PEG3: variants seen among roughly 807,000 people sequenced by gnomAD.
PEG3 encodes paternally-expressed gene 3 protein.
In PEG3, 23 loss-of-function variants were observed where a neutral mutation model predicts 35.5. The ratio of observed to expected loss-of-function variants is 0.65; its 90% CI spans 0.47 to 0.92. The LOEUF (loss-of-function observed/expected upper bound fraction) is 0.92, where lower values mean the gene tolerates loss of function less well. Ranked by LOEUF, PEG3 falls within the 40% of genes least tolerant of loss-of-function variation. The pLI, the probability that PEG3 is intolerant of heterozygous loss-of-function variation, is 0.00. For missense variants in PEG3, 1,960 were observed against 1,985.3 expected (o/e 0.99, Z 0.24); for synonymous variants, 707 against 697.0 (o/e 1.01, Z -0.23).
chr19:56,825,135 C>G (rs1735192628), intron 3 of PEG3: 2 of 155,648 alleles, frequency 1.3e-5, no homozygotes, highest in Non-Finnish European at 2.9e-5. Context: ...TGTTCAAGGC[C>G]CTAGCCAGTA....
In PEG3 at chr19:56,813,539, TAG is replaced by T. The variant is rs1409387604; in HGVS notation, c.*134_*135del. Reference sequence around the variant, plus strand: ...ATTCGGTCTCTTTTCAATCTGAGTTTAGAGATGTTAAGTCAGGTGTGTAACAC... The same window carrying T: ...ATTCGGTCTCTTTTCAATCTGAGTTTAGATGTTAAGTCAGGTGTGTAACAC... On this transcript the variant is annotated 3_prime_UTR_variant, in exon 10 of 10. Coordinates refer to ENST00000326441, the MANE Select transcript of PEG3 (RefSeq NM_006210.3). The T allele has an allele frequency of 6.9e-7, 1 of 1,443,918 alleles. No homozygotes were observed. Among genetic ancestry groups the T allele is most frequent in the Non-Finnish European group, 9.1e-7 (1 of 1,096,138 alleles). The allele number at this position is 1,443,918 out of a possible 1,614,324, so 89.4% of individuals were successfully genotyped here. A position where few individuals can be genotyped will look rare whatever the true frequency, so the allele number is the denominator to read the frequency against.
In PEG3 at chr19:56,830,090, A is replaced by C. The variant is rs184965782; in HGVS notation, c.-162-3627T>G. Among the ~76,000 whole-genome samples, 7 of 152,378 alleles carry C rather than the reference A, an allele frequency of 4.6e-5. No individual in the cohort carries two copies. The South Asian group carries it at 1.4e-3, about 32-fold the overall frequency. On this transcript the variant is annotated intron_variant, in intron 2 of 9. Coordinates refer to ENST00000326441, the MANE Select transcript of PEG3 (RefSeq NM_006210.3). ...GCTTATTAATCAGAGCTGTGCTTGA[A>C]GATGTATGAATCCAACAGAACAACA...
rs1268599582 is a variant in PEG3 at position 56,815,534 on chromosome 19, C to T, written c.2908G>A (p.Glu970Lys). Residue 970 changes from glutamate to lysine, a missense_variant, in exon 10 of 10, where the codon GAA becomes AAA. Around this residue, in one of 5 missense-constraint regions of PEG3, gnomAD observed 798 missense variants for 782.4 expected, o/e 1.02. Coordinates refer to ENST00000326441, the MANE Select transcript of PEG3 (RefSeq NM_006210.3). ...AAGCACTCCCCACACTCCTGACATT[C>T]ATAGAGCATCCCTCGAGGGCGAAAT... ...QTFRPRGMLY[E>K]CQECGECFAH... The T allele has an allele frequency of 6.2e-7, 1 of 1,614,048 alleles. No homozygotes were observed. The highest frequency in any genetic ancestry group is 8.5e-7 in the Non-Finnish European group (1 of 1,180,020).
rs1272691805 is a variant in PEG3 at position 56,811,374 on chromosome 19, TATAA to T, written c.*2297_*2300del. The T allele has an allele frequency of 2.3e-6, 2 of 879,342 alleles. No homozygotes were observed. The highest frequency in any genetic ancestry group is 2.7e-6 in the Non-Finnish European group (2 of 733,534). The allele number at this position is 879,342 out of a possible 1,614,324, so 54.5% of individuals were successfully genotyped here. ...ATGAACTGTTGAGTTATAACTGTAG[TATAA>T]ATATACTTTCGTGTCCTGCTTTCTC... On this transcript the variant is annotated 3_prime_UTR_variant, in exon 10 of 10. Transcript: ENST00000326441.
Position 56,816,348 on chromosome 19 carries a change from T to C in PEG3, c.2094A>G (p.Ser698=). 6.2e-7 allele frequency: 1 copy of C among 1,614,196 alleles called. No individual in the cohort carries two copies. Among genetic ancestry groups the C allele is most frequent in the Non-Finnish European group, 8.5e-7 (1 of 1,180,024 alleles). The change falls in exon 10 of 10, where the codon TCA becomes TCG. Residue 698 remains serine, a synonymous_variant. Transcript: ENST00000326441. ...GAATTTTCTGATGCTCACTGAGCTC[T>C]GAGCTTTGCATGAAGGCATCCCGGC... ...TDGRDAFMQS[S]ELSEHQKIHS... is the part of the protein sequence containing the mutation.
At chr19:56,824,174 C>T (rs1568677882) in intron 4 of PEG3, 88 bp downstream of exon 4, 8 of 1,549,324 alleles carry the variant, frequency 5.2e-6, no homozygotes, top group Non-Finnish European at 8.7e-7. Context: ...GTTATCCAGT[C>T]CAGACCATGT....
chr19:56,832,326 C>G (rs138563399), intron 2 of PEG3, among the ~76,000 whole-genome samples: 1 of 152,146 alleles, frequency 6.6e-6, no homozygotes, highest in Non-Finnish European at 1.5e-5. Context: ...GCACTCCCAC[C>G]GACAGTACCC....
chr19:56,819,151 T>C (rs1037574927), intron 7 of PEG3, among the ~76,000 whole-genome samples: 1 of 152,058 alleles, frequency 6.6e-6, no homozygotes, highest in African/African-American at 2.4e-5. Context: ...TGGGAAAACT[T>C]AGACTAAATA....
chr19:56,822,489 A>G, intron 6 of PEG3: 1 of 364,376 alleles, frequency 2.7e-6, no homozygotes, highest in Non-Finnish European at 4.6e-6. Context: ...TCATACAGAA[A>G]CTTCCAGTTT....
At chr19:56,839,764 C>A (rs2062753880) in intron 1 of PEG3, among the ~76,000 whole-genome samples, 1 of 152,256 alleles carries the variant, frequency 6.6e-6, no homozygotes, top group Non-Finnish European at 1.5e-5. Flanking sequence ...CACCAATCAA[C>A]CAGAACAGCG....
At position 56,824,335 on chromosome 19, in the gene PEG3, T is replaced by C; in HGVS notation, c.321A>G (p.Arg107=). 1 of 1,614,066 alleles carries C rather than the reference T, an allele frequency of 6.2e-7. No homozygotes were observed. Among genetic ancestry groups the C allele is most frequent in the Non-Finnish European group, 8.5e-7 (1 of 1,180,024 alleles). The stretch of plus-strand genomic sequence containing the variant: ...TCTCACAGTTCTCCGGCTTTTTTGC[T>C]CGCACCCAAGGCTTGAGCTTTTCAG... The part of the protein sequence containing the change: ...IIPEKLKPWV[R]AKKPENCEKL... The change falls in exon 4 of 10, where the codon CGA becomes CGG. Residue 107 remains arginine, a synonymous_variant. Transcript: ENST00000326441.
intron 1 of PEG3, among the ~76,000 whole-genome samples, chr19:56,839,812 G>A (rs2062764945): frequency 6.6e-6 from 1 of 150,588 alleles, no homozygotes; most frequent in African/African-American, 2.4e-5. Context: ...ATAAAAGATG[G>A]CACCCAGTGG....
intron 3 of PEG3, among the ~76,000 whole-genome samples, chr19:56,825,517 T>C (rs1453376463): frequency 6.6e-6 from 1 of 152,202 alleles, no homozygotes; most frequent in African/African-American, 2.4e-5. Context: ...CCCCCTTCCA[T>C]TTTTTAAACT....
At chr19:56,827,626 ATTCTAC>A (rs1230003951) in intron 2 of PEG3, among the ~76,000 whole-genome samples, 3 of 152,196 alleles carry the variant, frequency 2.0e-5, no homozygotes, top group African/African-American at 7.2e-5. Context: ...TCTCCTACAA[ATTCTAC>A]TTCTATGAAT....
In PEG3 at chr19:56,812,801, A is replaced by G; in HGVS notation, c.*874T>C. On this transcript the variant is annotated 3_prime_UTR_variant, in exon 10 of 10. Coordinates refer to ENST00000326441, the MANE Select transcript of PEG3 (RefSeq NM_006210.3). Reference sequence around the variant, plus strand: ...GGTTTTATCAATTCACTATCATCAAACACATATTGAGTTGGTTAAAAAAAA... The same window carrying G: ...GGTTTTATCAATTCACTATCATCAAGCACATATTGAGTTGGTTAAAAAAAA... The G allele has an allele frequency of 1.0e-6, 1 of 969,518 alleles. No homozygotes were observed. The highest frequency in any genetic ancestry group is 1.2e-6 in the Non-Finnish European group (1 of 824,316). 60.1% of individuals were successfully genotyped at this position (969,518 alleles called of 1,614,324 possible).
chr19:56,814,693 T>C lies in PEG3; in HGVS notation c.3749A>G (p.Asp1250Gly). ...LNEHMRLHRE[D>G]DLLEQSQMAE... The stretch of plus-strand genomic sequence containing the variant: ...CATCTGGCTCTGCTCCAGTAAATCA[T>C]CTTCCCTATGAAGTCTCATATGCTC... Residue 1250 changes from aspartate (D) to glycine (G), a missense_variant, in exon 10 of 10, where the codon GAT becomes GGT. Coordinates refer to ENST00000326441, the MANE Select transcript of PEG3 (RefSeq NM_006210.3). The surrounding 1 kb of genome is among the most constrained non-coding windows in gnomAD (Gnocchi z 5.8). 1 of 1,614,072 alleles carries C rather than the reference T, an allele frequency of 6.2e-7. No individual in the cohort carries two copies. The highest frequency in any genetic ancestry group is 8.5e-7 in the Non-Finnish European group (1 of 1,179,978).
chr19:56,829,265 A>T (rs1053690825), intron 2 of PEG3, among the ~76,000 whole-genome samples: 12 of 150,032 alleles, frequency 8.0e-5, no homozygotes, highest in Non-Finnish European at 1.6e-4. Flanking sequence ...AATCACTTGG[A>T]CCCAGGAGGC....
intron 6 of PEG3, 37 bp downstream of exon 6, chr19:56,822,716 A>C (rs368047298): frequency 1.9e-6 from 3 of 1,610,704 alleles, no homozygotes; most frequent in Non-Finnish European, 2.5e-6. Context: ...CACATGCTCT[A>C]TATCTCCTAC....
At chr19:56,820,171 T>A (rs1339765472) in intron 7 of PEG3, among the ~76,000 whole-genome samples, 1 of 152,250 alleles carries the variant, frequency 6.6e-6, no homozygotes, top group South Asian at 2.1e-4. Flanking sequence ...ATGGAAGAGA[T>A]GCTGTTCTGA....
Sources: gnomAD v4.1 joint callset for allele counts (sites outside exome capture counted in the v4.1 genomes callset) on GRCh38, gnomAD v4.1.1 for gene constraint, gnomAD v4.1.1 regional missense constraint, Gnocchi (gnomAD v3.1) non-coding constraint, MANE v1.5 for transcripts, NCBI Gene and HGNC (gene_info 2026-07-23, HGNC 2026-07-21) for gene names.